Variants in GALK2 observed in about 807,000 individuals in gnomAD.
GALK2 encodes galactokinase 2.
In GALK2, 36 loss-of-function variants were observed where a neutral mutation model predicts 52.4. The ratio of observed to expected loss-of-function variants is 0.69; its 90% CI spans 0.53 to 0.91. GALK2 has a LOEUF of 0.91. Ranked by LOEUF, GALK2 falls within the 40% of genes least tolerant of loss-of-function variation. The probability of loss-of-function intolerance (pLI) is 0.00; values close to 1 mark genes in which losing one functional copy is unlikely to be tolerated. For synonymous variants in GALK2, 176 were observed against 199.1 expected, an observed-to-expected ratio of 0.88 and a Z score of 0.98; for missense variants, 579 against 559.1, an observed-to-expected ratio of 1.04 and a Z score of -0.36.
intron 5 of GALK2, among the ~76,000 whole-genome samples, chr15:49,257,762 C>T (rs920499082): frequency 1.1e-4 from 17 of 152,084 alleles, no homozygotes; most frequent in African/African-American, 4.1e-4. Context: ...TACAGCACAA[C>T]ATCTTAAATG....
intron 1 of GALK2, among the ~76,000 whole-genome samples, chr15:49,187,642 A>C (rs1194627872): frequency 1.3e-5 from 2 of 152,116 alleles, no homozygotes; most frequent in African/African-American, 4.8e-5. Flanking sequence ...AAGCTGCAAG[A>C]GAAAGTCTTT....
At chr15:49,216,210 C>T (rs2089360824) in intron 2 of GALK2, among the ~76,000 whole-genome samples, 1 of 152,100 alleles carries the variant, frequency 6.6e-6, no homozygotes, top group African/African-American at 2.4e-5. Context: ...TGCCTGGTTA[C>T]TGCTGATGTT....
In GALK2 at chr15:49,163,932, A is replaced by T. The variant is rs191490387; in HGVS notation, c.20+7916A>T. On this transcript the variant is annotated intron_variant, in intron 1 of 9. Coordinates refer to the GALK2 transcript ENST00000327171. ...TCCTTTCAGACCAATCATCTTTAAA[A>T]TTTTTTTTTACTATATTAATTTGGG... is the stretch of plus-strand genomic sequence containing the variant. Among the ~76,000 whole-genome samples the T allele has an allele frequency of 6.3e-3, 960 of 151,900 alleles. 15 individuals are homozygous for T. Among genetic ancestry groups the T allele is most frequent in the African/African-American group, 0.022 (904 of 41,384 alleles).
At chr15:49,213,417 T>C (rs1336902277) in intron 2 of GALK2, among the ~76,000 whole-genome samples, 2 of 152,188 alleles carry the variant, frequency 1.3e-5, no homozygotes, top group African/African-American at 4.8e-5. Context: ...TAGGTATACG[T>C]GTGCCATGGT....
chr15:49,207,341 G>A (rs1013897932), intron 2 of GALK2, among the ~76,000 whole-genome samples: 2 of 152,160 alleles, frequency 1.3e-5, no homozygotes, highest in African/African-American at 4.8e-5. Flanking sequence ...TTAGGGTGAT[G>A]CTGGCTTCAT....
intron 7 of GALK2, among the ~76,000 whole-genome samples, chr15:49,289,639 T>C (rs1051141750): frequency 6.6e-6 from 1 of 152,150 alleles, no homozygotes; most frequent in Non-Finnish European, 1.5e-5. Flanking sequence ...GACTGAGCTT[T>C]ACACATACAG....
chr15:49,322,774 G>A (rs564523305), intron 9 of GALK2, among the ~76,000 whole-genome samples: 119 of 152,072 alleles, frequency 7.8e-4, no homozygotes, highest in African/African-American at 2.7e-3. Flanking sequence ...TGGCTAACAC[G>A]GTGAAACCCC....
chr15:49,176,439 A>G (rs1193169629), intron 1 of GALK2, among the ~76,000 whole-genome samples: 2 of 152,246 alleles, frequency 1.3e-5, no homozygotes, highest in Non-Finnish European at 2.9e-5. Flanking sequence ...ACTTGGCCCA[A>G]ATAAACTCTG....
intron 1 of GALK2, among the ~76,000 whole-genome samples, chr15:49,163,828 T>G (rs570492201): frequency 2.2e-4 from 34 of 152,334 alleles, no homozygotes; most frequent in Non-Finnish European, 4.7e-4. Flanking sequence ...GAAAATGTGA[T>G]GTGTTTAAGT....
At position 49,352,645 on chromosome 15, in the gene GALK2, A is replaced by G. The variant is rs560394021; in HGVS notation, c.427-14846A>G. Among the ~76,000 whole-genome samples the G allele has an allele frequency of 9.1e-4, 139 of 152,302 alleles. 5 individuals carry two copies. In the South Asian group the frequency reaches 0.028, roughly 30 times the overall value. ...TTTAACAATATTGAGAGTAAGCAAA[A>G]ATAACTTAGTTACTTGCTCCAGAAC... is the stretch of plus-strand genomic sequence containing the variant. On this transcript the variant is annotated intron_variant, in intron 3 of 3. Transcript: ENST00000558399.
At chr15:49,235,021 T>C (rs2090723532) in intron 3 of GALK2, among the ~76,000 whole-genome samples, 1 of 152,144 alleles carries the variant, frequency 6.6e-6, no homozygotes, top group Non-Finnish European at 1.5e-5. Context: ...TGCCTTGGCC[T>C]CCCAAAGTGC....
chr15:49,312,666 A>T (rs1486478261), intron 8 of GALK2, among the ~76,000 whole-genome samples: 2 of 152,272 alleles, frequency 1.3e-5, no homozygotes, highest in Admixed American at 1.3e-4. Flanking sequence ...CTCACTGGAG[A>T]ACCCTGATTA....
downstream of GALK2, among the ~76,000 whole-genome samples, chr15:49,332,087 C>CCACACACACACACA (rs377139081): frequency 7.3e-4 from 93 of 127,982 alleles, no homozygotes; most frequent in Middle Eastern, 3.9e-3. Flanking sequence ...TGCACACGTG[C>CCACACACACACACA]CACACACACA....
intron 5 of GALK2, among the ~76,000 whole-genome samples, chr15:49,257,886 T>G (rs1000849081): frequency 6.6e-6 from 1 of 150,534 alleles, no homozygotes; most frequent in African/African-American, 2.4e-5. Context: ...TTTATAAGAT[T>G]ATGGATTATT....
At chr15:49,195,116 G>T (rs1307985582) in intron 1 of GALK2, 1 of 452,418 alleles carries the variant, frequency 2.2e-6, no homozygotes, top group Middle Eastern at 4.7e-4. Context: ...TGTGCTGGAG[G>T]CTAGAGTGCA....
chr15:49,258,417 C>A lies in GALK2; in HGVS notation c.504+19050C>A, dbSNP rs76789279. On this transcript the variant is annotated intron_variant, in intron 5 of 9. Transcript: ENST00000560031. ...GCAGAGATTTTGGGATAAGGGCATT[C>A]CAGACTGAAGGAATGGTGGATATAA... Among the ~76,000 whole-genome samples, 1,322 of 151,990 alleles carry A rather than the reference C, an allele frequency of 8.7e-3. 25 individuals are homozygous for A. The highest frequency in any genetic ancestry group is 0.031 in the African/African-American group (1,270 of 41,468).
intron 4 of GALK2, among the ~76,000 whole-genome samples, chr15:49,237,722 G>A (rs1016149260): frequency 6.0e-4 from 92 of 152,130 alleles, no homozygotes; most frequent in African/African-American, 2.0e-3. Flanking sequence ...TGACCCACCC[G>A]CCTCGGCCTC....
At chr15:49,162,039 A>G (rs1380268403) in intron 1 of GALK2, among the ~76,000 whole-genome samples, 2 of 152,172 alleles carry the variant, frequency 1.3e-5, no homozygotes, top group Non-Finnish European at 1.5e-5. Context: ...AAATTTAATG[A>G]ACTTTGACAT....
chr15:49,236,106 T>C (rs1229606636), intron 4 of GALK2, among the ~76,000 whole-genome samples, 165 bp downstream of exon 4: 1 of 152,196 alleles, frequency 6.6e-6, no homozygotes, highest in South Asian at 2.1e-4. Context: ...TATGACTGTT[T>C]TGGGGTGGTG....
Sources: allele counts gnomAD v4.1 joint callset (sites outside exome capture counted in the v4.1 genomes callset), GRCh38; gene constraint gnomAD v4.1.1; transcripts MANE v1.5; gene names NCBI Gene and HGNC (gene_info 2026-07-23, HGNC 2026-07-21).